Variants in USP43 observed in about 807,000 individuals in gnomAD.
USP43 encodes ubiquitin specific peptidase 43, also known as ubiquitin carboxyl-terminal hydrolase 43.
A neutral mutation model predicts 90.7 loss-of-function variants in USP43; 33 were observed. The ratio of observed to expected loss-of-function variants is 0.36; its 90% CI spans 0.28 to 0.49. USP43 has a LOEUF of 0.49. Among genes scored for constraint, USP43 ranks in the 20% least tolerant of loss-of-function variants. The pLI, the probability that USP43 is intolerant of heterozygous loss-of-function variation, is 0.98. For missense variants in USP43, 1,274 were observed against 1,476.4 expected (o/e 0.86, Z 2.25); for synonymous variants, 598 against 615.8 (o/e 0.97, Z 0.43).
At chr17:9,722,539 G>A (rs554646778) in intron 14 of USP43, among the ~76,000 whole-genome samples, 6 of 152,248 alleles carry the variant, frequency 3.9e-5, no homozygotes, top group East Asian at 1.9e-4. Flanking sequence ...TGATGCGAGC[G>A]AGTCGCGCTT....
Position 9,709,815 on chromosome 17 carries a change from A to C in USP43, c.2012-141A>C, listed in dbSNP as rs1421032111. The C allele has an allele frequency of 1.1e-6, 1 of 876,640 alleles. No individual in the cohort carries two copies. The highest frequency in any genetic ancestry group is 3.4e-5 in the East Asian group (1 of 29,834). 54.3% of individuals were successfully genotyped at this position (876,640 alleles called of 1,614,324 possible). ...TTACTGATCTTTTCTGATTCCAAAAAAAATTCATTTCTGGCCAAAAATGGA... is the reference window on the plus strand; with the variant it reads ...TTACTGATCTTTTCTGATTCCAAAACAAATTCATTTCTGGCCAAAAATGGA... On this transcript the variant is annotated intron_variant, in intron 12 of 14. Transcript: ENST00000285199. This position sits in a 1 kb window ranked among gnomAD's most constrained non-coding sequence, Gnocchi z 5.0.
chr17:9,729,124 G>A lies in USP43; in HGVS notation c.*134G>A. 1 of 699,154 alleles carries A rather than the reference G, an allele frequency of 1.4e-6. No homozygotes were observed. Among genetic ancestry groups the A allele is most frequent in the South Asian group, 3.6e-5 (1 of 28,058 alleles). 43.3% of individuals were successfully genotyped at this position (699,154 alleles called of 1,614,324 possible). A position where few individuals can be genotyped will look rare whatever the true frequency, so the allele number is the denominator to read the frequency against. On this transcript the variant is annotated 3_prime_UTR_variant, in exon 15 of 15. Transcript: ENST00000285199. The stretch of plus-strand genomic sequence containing the variant: ...TCTAAAAAAAAATTTTTTTTTTTTT[G>A]TGGTGGGGGGTCTCCATATCTAGAC...
intron 4 of USP43, 25 bp from the exon 5 acceptor site, chr17:9,676,721 G>T (rs1378710840): frequency 1.9e-6 from 3 of 1,607,746 alleles, no homozygotes; most frequent in Admixed American, 3.4e-5. Flanking sequence ...GTCCTTTAAG[G>T]GTGTTGCCCC....
At chr17:9,647,848 C>CAAAAAAAAAAAAAAA (rs35223665) in intron 1 of USP43, among the ~76,000 whole-genome samples, 5 of 82,092 alleles carry the variant, frequency 6.1e-5, no homozygotes, top group African/African-American at 2.3e-4. Flanking sequence ...ACTAAAAATC[C>CAAAAAAAAAAAAAAA]AAAAAAAAAA....
At chr17:9,656,115 A>G (rs900940597) in intron 1 of USP43, among the ~76,000 whole-genome samples, 1 of 152,186 alleles carries the variant, frequency 6.6e-6, no homozygotes, top group African/African-American at 2.4e-5. Context: ...GTATCAAAAT[A>G]TTCAACAGAG....
intron 2 of USP43, among the ~76,000 whole-genome samples, chr17:9,662,085 T>A (rs994679128): frequency 2.0e-5 from 3 of 152,042 alleles, no homozygotes; most frequent in African/African-American, 4.8e-5. Flanking sequence ...CCCACACAAA[T>A]GTTTTCAGTC....
intron 1 of USP43, chr17:9,647,068 AAAAAAAAAAAAAAG>A (rs1329701120): frequency 7.0e-6 from 1 of 143,870 alleles, no homozygotes; most frequent in African/African-American, 2.9e-5. Context: ...CTGCAAAAAA[AAAAAAAAAAAAAAG>A]AAAAAAAAGA....
At chr17:9,704,472 C>T (rs995940352) in intron 12 of USP43, among the ~76,000 whole-genome samples, 5 of 151,820 alleles carry the variant, frequency 3.3e-5, no homozygotes, top group Middle Eastern at 3.4e-3. Context: ...CTCGCCACCA[C>T]GCCTGGCTAA....
intron 4 of USP43, 25 bp downstream of exon 4, chr17:9,675,008 G>A (rs879915364): frequency 1.1e-5 from 18 of 1,596,758 alleles, no homozygotes; most frequent in Non-Finnish European, 1.5e-5. Context: ...CGGCTTGCCC[G>A]GTGAACTTGA....
intron 3 of USP43, among the ~76,000 whole-genome samples, chr17:9,672,017 A>G (rs1191218100): frequency 6.6e-6 from 1 of 151,790 alleles, no homozygotes; most frequent in Non-Finnish European, 1.5e-5. Context: ...TTTTTTTGAG[A>G]CAGAGTTTTG....
intron 2 of USP43, among the ~76,000 whole-genome samples, chr17:9,662,774 G>T (rs572333140): frequency 6.6e-6 from 1 of 151,606 alleles, no homozygotes; most frequent in Non-Finnish European, 1.5e-5. Flanking sequence ...CACCTACACT[G>T]TGCTTTGTAC....
At chr17:9,666,047 T>A (rs74985178) in intron 2 of USP43, among the ~76,000 whole-genome samples, 3,155 of 152,260 alleles carry the variant, frequency 0.021, 107 homozygotes, top group African/African-American at 0.072. Flanking sequence ...CAGTTTGTGA[T>A]AATTTGCTGT....
chr17:9,722,747 C>T (rs933096934), intron 14 of USP43, among the ~76,000 whole-genome samples: 1 of 152,188 alleles, frequency 6.6e-6, no homozygotes, highest in Non-Finnish European at 1.5e-5. Flanking sequence ...CTGTCATTCC[C>T]CCCAAAATGA....
rs1917485428 is a variant in USP43 at position 9,729,639 on chromosome 17, T to C, written c.*649T>C. On this transcript the variant is annotated 3_prime_UTR_variant, in exon 15 of 15. Transcript: ENST00000285199. ...ACTAGAAAAAAAGTCCATTTTTTAA[T>C]TTAAATATGAGATCTATGTACAATT... The C allele has an allele frequency of 6.6e-6, 1 of 152,166 alleles. No individual in the cohort carries two copies. Among genetic ancestry groups the C allele is most frequent in the South Asian group, 2.1e-4 (1 of 4,828 alleles). The allele number at this position is 152,166 out of a possible 1,614,324, so 9.4% of individuals were successfully genotyped here.
At position 9,701,547 on chromosome 17, in the gene USP43, G is replaced by A; in HGVS notation, c.1858G>A (p.Ala620Thr). The part of the protein sequence containing the change: ...LSGLNMAPHV[A>T]QRSTSPEAGL... ...TGGACTCAACATGGCTCCCCATGTG[G>A]CCCAGAGAAGCACCAGCCCTGAGGC... is the stretch of plus-strand genomic sequence containing the variant. Residue 620 changes from alanine (A) to threonine (T), a missense_variant, in exon 12 of 15, where the codon GCC becomes ACC. Physicochemically the swap from Ala to Thr is moderately conservative, Grantham distance 58. Coordinates refer to ENST00000285199, the MANE Select transcript of USP43 (RefSeq NM_153210.5). This position sits in a 1 kb window ranked among gnomAD's most constrained non-coding sequence, Gnocchi z 7.2. 1 of 1,564,656 alleles carries A rather than the reference G, an allele frequency of 6.4e-7. No individual in the cohort carries two copies. Among genetic ancestry groups the A allele is most frequent in the Non-Finnish European group, 8.7e-7 (1 of 1,154,970 alleles).
In USP43 at chr17:9,728,737, G is replaced by C. The variant is rs1303416225; in HGVS notation, c.3119G>C (p.Gly1040Ala). The C allele has an allele frequency of 2.5e-6, 4 of 1,601,310 alleles. No individual in the cohort carries two copies. The East Asian group carries it at 9.0e-5, about 36-fold the overall frequency. Residue 1040 changes from glycine to alanine, a missense_variant, in exon 15 of 15, where the codon GGC (glycine) becomes GCC (alanine). Coordinates refer to ENST00000285199, the MANE Select transcript of USP43 (RefSeq NM_153210.5). This position sits in a 1 kb window ranked among gnomAD's most constrained non-coding sequence, Gnocchi z 6.2. ...CCTGCCATGGACGGGCAGGCTCCAGGCTCACCTCCTGCCCTCAGGATCCCA... is the reference window on the plus strand; with the variant it reads ...CCTGCCATGGACGGGCAGGCTCCAGCCTCACCTCCTGCCCTCAGGATCCCA... ...LSPAMDGQAP[G>A]SPPALRIPEG...
rs756075725 is a variant in USP43, at chr17:9,663,813, C to T, written c.637-2835C>T. On this transcript the variant is annotated intron_variant, in intron 2 of 14. Transcript: ENST00000285199. ...TAATTTTTTGTATTTTTGGTAGAGACGAGGTTTCGCCATATTGGCCAGGTT... is the reference window on the plus strand; with the variant it reads ...TAATTTTTTGTATTTTTGGTAGAGATGAGGTTTCGCCATATTGGCCAGGTT... Among the ~76,000 whole-genome samples the T allele has an allele frequency of 2.8e-4, 41 of 148,754 alleles. 1 individual carries two copies. The highest frequency in any genetic ancestry group is 2.1e-3 in the Admixed American group (32 of 14,896).
chr17:9,703,731 C>T (rs1262544539), intron 12 of USP43, among the ~76,000 whole-genome samples: 1 of 152,202 alleles, frequency 6.6e-6, no homozygotes, highest in East Asian at 1.9e-4. Flanking sequence ...AATCTTTTCC[C>T]TGAAGACAAT....
intron 1 of USP43, among the ~76,000 whole-genome samples, chr17:9,655,219 C>T (rs1176797783): frequency 2.0e-5 from 3 of 151,560 alleles, no homozygotes; most frequent in East Asian, 1.9e-4. Flanking sequence ...CTGTGTGGGA[C>T]GAGACTGGAG....
Sources: gnomAD v4.1 joint callset for allele counts (sites outside exome capture counted in the v4.1 genomes callset) on GRCh38, gnomAD v4.1.1 for gene constraint, Gnocchi (gnomAD v3.1) non-coding constraint, MANE v1.5 for transcripts, NCBI Gene and HGNC (gene_info 2026-07-23, HGNC 2026-07-21) for gene names.